The following RUFY3 variants were observed in gnomAD, a reference collection of about 807,000 sequenced individuals.
RUFY3 encodes RUN and FYVE domain containing 3, also known as protein RUFY3.
A neutral mutation model predicts 84.0 loss-of-function variants in RUFY3; 34 were observed. The ratio of observed to expected loss-of-function variants is 0.40; its 90% confidence interval spans 0.31 to 0.54. The LOEUF (loss-of-function observed/expected upper bound fraction) is 0.54, where lower values mean the gene tolerates loss of function less well. Ranked by LOEUF, RUFY3 falls within the 20% of genes least tolerant of loss-of-function variation. The pLI, the probability that RUFY3 is intolerant of heterozygous loss-of-function variation, is 0.39. For synonymous variants in RUFY3, 242 were observed against 252.9 expected (o/e 0.96, Z 0.41); for missense variants, 507 against 736.8 (o/e 0.69, Z 3.61).
chr4:70,783,896 C>T (rs1729344870), intron 9 of RUFY3, among the ~76,000 whole-genome samples: 1 of 152,098 alleles, frequency 6.6e-6, no homozygotes, highest in South Asian at 2.1e-4. Flanking sequence ...TACTGATGCT[C>T]GGTGTTATCT....
exon 1 of RUFY3, chr4:70,705,222 G>C: frequency 6.8e-7 from 1 of 1,461,320 alleles, no homozygotes; most frequent in South Asian, 1.3e-5. Flanking sequence ...GCCGTCCCCC[G>C]GCTCACCGCT....
intron 8 of RUFY3, among the ~76,000 whole-genome samples, chr4:70,778,803 C>G (rs192894775): frequency 6.6e-5 from 10 of 152,226 alleles, no homozygotes; most frequent in African/African-American, 2.4e-4. Context: ...TGGTCTTGAA[C>G]TCCTGACCTC....
chr4:70,706,895 C>G (rs1259148077), intron 1 of RUFY3, among the ~76,000 whole-genome samples: 1 of 152,124 alleles, frequency 6.6e-6, no homozygotes, highest in African/African-American at 2.4e-5. Context: ...CTTTAAACAC[C>G]GCCTCTTTTT....
At chr4:70,805,241 A>G (rs969815260) in intron 17 of RUFY3, among the ~76,000 whole-genome samples, 2 of 152,236 alleles carry the variant, frequency 1.3e-5, no homozygotes, top group East Asian at 1.9e-4. Flanking sequence ...TCAGAACAGG[A>G]TATGAGCTCT....
intron 14 of RUFY3, among the ~76,000 whole-genome samples, chr4:70,796,399 A>G (rs886655266): frequency 3.9e-5 from 6 of 152,156 alleles, no homozygotes; most frequent in African/African-American, 1.4e-4. Flanking sequence ...CTTTGTCTTC[A>G]GGATTGTACT....
intron 17 of RUFY3, among the ~76,000 whole-genome samples, chr4:70,806,119 A>G (rs1476845458): frequency 1.3e-5 from 2 of 152,326 alleles, no homozygotes; most frequent in South Asian, 2.1e-4. Flanking sequence ...CATACTCTGG[A>G]CATTTTTAAA....
chr4:70,806,514 A>G lies in RUFY3; in HGVS notation c.1720-2A>G, dbSNP rs1732870235. 1 of 1,614,062 alleles carries G rather than the reference A, an allele frequency of 6.2e-7. No individual in the cohort carries two copies. The highest frequency in any genetic ancestry group is 2.2e-5 in the East Asian group (1 of 44,874). ...TCCCCGCCTAACCTCCTCTTCTCAT[A>G]GAATGTGTGTAAGAACTGCAGCGGA... On this transcript the variant is annotated splice_acceptor_variant, in intron 17 of 17. Transcript: ENST00000381006. LOFTEE classifies it high-confidence loss of function.
intron 1 of RUFY3, among the ~76,000 whole-genome samples, chr4:70,748,469 G>C (rs889870165): frequency 3.3e-5 from 5 of 152,160 alleles, no homozygotes; most frequent in African/African-American, 1.2e-4. Context: ...AAGTACAAAT[G>C]TACAATATTC....
At chr4:70,774,645 ATATATATAT>A (rs1215810381) in intron 6 of RUFY3, among the ~76,000 whole-genome samples, 11 of 50,244 alleles carry the variant, frequency 2.2e-4, no homozygotes, top group African/African-American at 9.6e-4. Flanking sequence ...AAAAAAAAAA[ATATATATAT>A]ATATATATAT....
chr4:70,718,742 C>G (rs536105664), upstream of RUFY3, among the ~76,000 whole-genome samples: 691 of 143,220 alleles, frequency 4.8e-3, 5 homozygotes, highest in African/African-American at 0.017. Flanking sequence ...TTTTTTTTTT[C>G]TTTGAGACGG....
intron 1 of RUFY3, among the ~76,000 whole-genome samples, chr4:70,738,019 A>G (rs1435217936): frequency 5.8e-5 from 7 of 121,714 alleles, no homozygotes; most frequent in South Asian, 2.6e-4. Context: ...GTTTCACTCT[A>G]TCACCCAGGC....
Position 70,802,964 on chromosome 4 carries a change from C to A in RUFY3, c.1631C>A (p.Pro544His), listed in dbSNP as rs750876865. Residue 544 changes from proline (P) to histidine (H), a missense_variant, in exon 16 of 18, where the codon CCC (proline) becomes CAC (histidine). By Grantham distance (77) the Pro-to-His change is moderately conservative. Coordinates refer to ENST00000381006, the MANE Select transcript of RUFY3 (RefSeq NM_001037442.4). ...KPLEESHRLQPHPMDEQDQLL... is the reference protein window; with the variant it reads ...KPLEESHRLQHHPMDEQDQLL... ...TTACTTCTCCATTGTAGGCTGCAAC[C>A]CCACCCTATGGATGAACAGGTAACA... 1 of 1,607,986 alleles carries A rather than the reference C, an allele frequency of 6.2e-7. No homozygotes were observed. The highest frequency in any genetic ancestry group is 8.5e-7 in the Non-Finnish European group (1 of 1,176,760).
intron 15 of RUFY3, among the ~76,000 whole-genome samples, chr4:70,802,345 T>C (rs1309481993): frequency 6.6e-6 from 1 of 152,228 alleles, no homozygotes; most frequent in Non-Finnish European, 1.5e-5. Flanking sequence ...CAATCTGTAG[T>C]GCATTTTCCC....
intron 1 of RUFY3, among the ~76,000 whole-genome samples, chr4:70,714,774 T>G (rs1409698063): frequency 6.6e-6 from 1 of 152,238 alleles, no homozygotes; most frequent in African/African-American, 2.4e-5. Flanking sequence ...AGCTAGTTAT[T>G]TAGTTTCATT....
At chr4:70,797,061 C>T (rs1199491051) in intron 14 of RUFY3, among the ~76,000 whole-genome samples, 4 of 151,890 alleles carry the variant, frequency 2.6e-5, no homozygotes, top group African/African-American at 7.3e-5. Flanking sequence ...CTGCCTCAGC[C>T]TCCTGAGTAG....
In RUFY3 at chr4:70,804,407, C is replaced by T; in HGVS notation, c.1710C>T (p.Ser570=). The T allele has an allele frequency of 6.2e-7, 1 of 1,613,708 alleles. No homozygotes were observed. Among genetic ancestry groups the T allele is most frequent in the Non-Finnish European group, 8.5e-7 (1 of 1,179,780 alleles). The change falls in exon 17 of 18, where the codon AGC becomes AGT. Residue 570 remains serine, a synonymous_variant. Transcript: ENST00000381006. ...QLCQLCQEDG[S]LTKNVCKNCS... ...GTCAGCTATGCCAGGAAGACGGCAG[C>T]CTAACAAAGGTAACTGTGATGAGAA...
At chr4:70,747,526 G>T (rs971586449) in intron 1 of RUFY3, among the ~76,000 whole-genome samples, 34 of 151,342 alleles carry the variant, frequency 2.2e-4, no homozygotes, top group East Asian at 1.9e-4. Context: ...ATTCCTGAAA[G>T]GACTGTTTTG....
chr4:70,704,887 C>T (rs1358345176), exon 1 of RUFY3: 4 of 1,166,312 alleles, frequency 3.4e-6, no homozygotes, highest in Non-Finnish European at 4.3e-6. Context: ...TCTGCTCCCC[C>T]GCCCAGGCCC....
chr4:70,806,644 T>C lies in RUFY3; in HGVS notation c.1848T>C (p.Ser616=). The part of the protein sequence containing the change: ...PCHKHLMKQY[S]TSPS The stretch of plus-strand genomic sequence containing the variant: ...ACAAGCATCTGATGAAGCAATATTC[T>C]ACCAGCCCATCATAAGACTGGAGGC... Residue 616 remains serine (S), a synonymous_variant, in exon 18 of 18, where the codon TCT becomes TCC. Transcript: ENST00000381006. 2.5e-6 allele frequency: 4 copies of C among 1,614,140 alleles called. No homozygotes were observed. Among genetic ancestry groups the C allele is most frequent in the South Asian group, 1.1e-5 (1 of 91,080 alleles).
Sources: allele counts gnomAD v4.1 joint callset (sites outside exome capture counted in the v4.1 genomes callset), GRCh38; gene constraint gnomAD v4.1.1; transcripts MANE v1.5; gene names NCBI Gene and HGNC (gene_info 2026-07-23, HGNC 2026-07-21).